WNK2: variants seen among roughly 807,000 people sequenced by gnomAD.
WNK2 encodes the protein WNK lysine deficient protein kinase 2, also known as serine/threonine-protein kinase WNK2.
WNK2 carries 67 observed loss-of-function variants against 192.1 expected under a neutral mutation model. The ratio of observed to expected loss-of-function variants is 0.35; its 90% confidence interval spans 0.29 to 0.43. The LOEUF is 0.43. Among genes scored for constraint, WNK2 ranks in the 20% least tolerant of loss-of-function variants. The pLI is 1.00. For missense variants in WNK2, 2,698 were observed against 3,089.7 expected, an observed-to-expected ratio of 0.87 and a Z score of 3.01; for synonymous variants, 1,439 against 1,393.9, an observed-to-expected ratio of 1.03 and a Z score of -0.72.
At chr9:93,264,960 A>ACC (rs1409819924) in intron 16 of WNK2, among the ~76,000 whole-genome samples, 1 of 152,134 alleles carries the variant, frequency 6.6e-6, no homozygotes, top group Non-Finnish European at 1.5e-5. Context: ...CCCCCTGGCC[A>ACC]CCCCTGCCCT....
At chr9:93,222,704 CAG>C (rs978293483) in intron 2 of WNK2, among the ~76,000 whole-genome samples, 11 of 151,856 alleles carry the variant, frequency 7.2e-5, no homozygotes, top group African/African-American at 2.7e-4. Context: ...TTTTTTGAGA[CAG>C]AGTTTCAGTC....
chr9:93,186,522 C>A (rs149541675), intron 2 of WNK2, among the ~76,000 whole-genome samples: 2 of 152,120 alleles, frequency 1.3e-5, no homozygotes, highest in Non-Finnish European at 2.9e-5. Context: ...GGGAGAGTGC[C>A]GGCTGGAGGT....
Position 93,289,630 on chromosome 9 carries a change from T to C in WNK2, c.4866+10T>C. 2 of 1,454,344 alleles carry C rather than the reference T, an allele frequency of 1.4e-6. No individual in the cohort carries two copies. Among genetic ancestry groups the C allele is most frequent in the South Asian group, 1.4e-5 (1 of 69,472 alleles). 90.1% of individuals were successfully genotyped at this position (1,454,344 alleles called of 1,614,324 possible). On this transcript the variant is annotated intron_variant, in intron 20 of 29. Transcript: ENST00000427277. The stretch of plus-strand genomic sequence containing the variant: ...GCTGCCCCAGCCCTTGGTGAGTAGC[T>C]GCCTTGTCCCAGAGACACTGCCCTG...
intron 2 of WNK2, among the ~76,000 whole-genome samples, chr9:93,189,542 A>C (rs1216737250): frequency 5.3e-5 from 8 of 152,206 alleles, no homozygotes; most frequent in Non-Finnish European, 7.4e-5. Flanking sequence ...CGGGTGTCTC[A>C]GTGTCCTGTC....
Position 93,308,429 on chromosome 9 carries a change from T to G in WNK2, c.6361T>G (p.Phe2121Val). Reference sequence around the variant, plus strand: ...CAACAGCAACAACAAGAAGGGTACCTTCACGGACGACCTGCACAAGCTGGT... The same window carrying G: ...CAACAGCAACAACAAGAAGGGTACCGTCACGGACGACCTGCACAAGCTGGT... ...VNNSNNKKGTFTDDLHKLVDE... is the reference protein window; with the variant it reads ...VNNSNNKKGTVTDDLHKLVDE... Residue 2121 changes from phenylalanine (F) to valine (V), a missense_variant, in exon 28 of 30, where the codon TTC (phenylalanine) becomes GTC (valine). Phe to Val is a conservative substitution (Grantham distance 50). Transcript: ENST00000427277. 6.2e-7 allele frequency: 1 copy of G among 1,607,386 alleles called. No homozygotes were observed. The highest frequency in any genetic ancestry group is 8.5e-7 in the Non-Finnish European group (1 of 1,177,524).
chr9:93,185,948 C>G lies in WNK2; in HGVS notation c.681+338C>G, dbSNP rs191822602. ...CTGTGTCTCTTAGGCTGCTGCTTCT[C>G]CAGTCCCGATGACCTACTTTAATGA... On this transcript the variant is annotated intron_variant, in intron 2 of 29. Coordinates refer to ENST00000427277, the MANE Select transcript of WNK2 (RefSeq NM_006648.4). Among the ~76,000 whole-genome samples, 163 of 152,332 alleles carry G rather than the reference C, an allele frequency of 1.1e-3. 1 individual carries two copies. The highest frequency in any genetic ancestry group is 1.5e-3 in the Non-Finnish European group (102 of 68,028).
At chr9:93,319,546 T>G (rs1855251224) in intron 29 of WNK2, among the ~76,000 whole-genome samples, 1 of 152,268 alleles carries the variant, frequency 6.6e-6, no homozygotes, top group African/African-American at 2.4e-5. Context: ...GTGACCATGA[T>G]GGAGGGAGCC....
chr9:93,302,162 G>C (rs1352437617), intron 26 of WNK2, among the ~76,000 whole-genome samples: 1 of 152,252 alleles, frequency 6.6e-6, no homozygotes, highest in Non-Finnish European at 1.5e-5. Context: ...GAGAGCTGTG[G>C]GGTCTGTGAG....
chr9:93,278,124 A>G (rs1330787201), intron 19 of WNK2, among the ~76,000 whole-genome samples: 2 of 152,160 alleles, frequency 1.3e-5, no homozygotes, highest in Non-Finnish European at 2.9e-5. Flanking sequence ...CAGTTATCTC[A>G]GCCTACTGCC....
intron 19 of WNK2, among the ~76,000 whole-genome samples, chr9:93,275,132 T>G (rs138257680): frequency 2.6e-5 from 4 of 152,302 alleles, no homozygotes; most frequent in African/African-American, 9.6e-5. Context: ...TCCACCATAT[T>G]AATAGTCTAA....
chr9:93,238,639 A>C (rs11788911), intron 6 of WNK2, among the ~76,000 whole-genome samples: 22,212 of 152,208 alleles, frequency 0.15, 1,772 homozygotes, highest in East Asian at 0.27. Context: ...AGCCTGTAGC[A>C]TCTGAGCACC....
chr9:93,306,732 T>A (rs1190302945), intron 26 of WNK2, 45 bp from the exon 27 acceptor site: 1 of 1,613,560 alleles, frequency 6.2e-7, no homozygotes, highest in South Asian at 1.1e-5. Flanking sequence ...TGTGTGCTGT[T>A]CTGCCTAACC....
chr9:93,250,340 C>T (rs932392660), intron 8 of WNK2, among the ~76,000 whole-genome samples: 2 of 152,240 alleles, frequency 1.3e-5, no homozygotes, highest in African/African-American at 4.8e-5. Flanking sequence ...CAAATGTGAA[C>T]ACATTCACCT....
At position 93,234,789 on chromosome 9, in the gene WNK2, C is replaced by T. The variant is rs542682953; in HGVS notation, c.1076-19C>T. ...GCCCGTGGCCAGCTGACAGCTGCGT[C>T]TGTTGCTTCCGGGCACAGGTACTCC... On this transcript the variant is annotated intron_variant, in intron 4 of 29. Transcript: ENST00000427277. 4 of 1,607,704 alleles carry T rather than the reference C, an allele frequency of 2.5e-6. No individual in the cohort carries two copies. The Admixed American group carries it at 6.7e-5, about 27-fold the overall frequency.
At chr9:93,306,862 C>T in intron 27 of WNK2, 41 bp downstream of exon 27, 3 of 1,613,556 alleles carry the variant, frequency 1.9e-6, no homozygotes, top group Non-Finnish European at 2.5e-6. Context: ...TCTCTCATCG[C>T]ATGGGCTTTC....
At position 93,238,256 on chromosome 9, in the gene WNK2, G is replaced by C; in HGVS notation, c.1257G>C (p.Glu419Asp). The C allele has an allele frequency of 6.2e-7, 1 of 1,614,030 alleles. No homozygotes were observed. Among genetic ancestry groups the C allele is most frequent in the Non-Finnish European group, 8.5e-7 (1 of 1,179,886 alleles). ...VTCGIKPASF[E>D]KVHDPEIKEI... Reference sequence around the variant, plus strand: ...AGGGTATCAAGCCGGCCAGCTTTGAGAAAGTGCACGATCCTGAAATCAAGG... The same window carrying C: ...AGGGTATCAAGCCGGCCAGCTTTGACAAAGTGCACGATCCTGAAATCAAGG... Residue 419 changes from glutamate to aspartate, a missense_variant, in exon 6 of 30, where the codon GAG becomes GAC. Glu to Asp is a conservative substitution (Grantham distance 45, BLOSUM62 2). Coordinates refer to ENST00000427277, the MANE Select transcript of WNK2 (RefSeq NM_006648.4).
At chr9:93,306,562 G>T in intron 26 of WNK2, 1 of 590,030 alleles carries the variant, frequency 1.7e-6, no homozygotes, top group Non-Finnish European at 3.0e-6. Flanking sequence ...CTTGGCCCTG[G>T]CACCTCTGCC....
chr9:93,203,492 G>A (rs1305158115), intron 2 of WNK2, among the ~76,000 whole-genome samples: 1 of 152,224 alleles, frequency 6.6e-6, no homozygotes, highest in East Asian at 1.9e-4. Context: ...GGTTGGGAGG[G>A]AGCCTGTGGG....
At chr9:93,211,297 G>T (rs62646619) in intron 2 of WNK2, among the ~76,000 whole-genome samples, 31 of 83,170 alleles carry the variant, frequency 3.7e-4, no homozygotes, top group South Asian at 1.2e-3. Context: ...CATACACTCA[G>T]TCACTCATTC....
Sources: allele counts gnomAD v4.1 joint callset (sites outside exome capture counted in the v4.1 genomes callset), GRCh38; gene constraint gnomAD v4.1.1; transcripts MANE v1.5; gene names NCBI Gene and HGNC (gene_info 2026-07-23, HGNC 2026-07-21).